MTSS1: variants seen among roughly 807,000 people sequenced by gnomAD.
MTSS1 encodes MTSS I-BAR domain containing 1.
MTSS1 carries 18 observed loss-of-function variants against 79.0 expected under a neutral mutation model. The observed-to-expected ratio is 0.23, with a 90% CI of 0.16 to 0.34. The LOEUF is 0.34. Among genes scored for constraint, MTSS1 ranks in the 10% least tolerant of loss-of-function variants. The probability of loss-of-function intolerance (pLI) is 1.00; values close to 1 mark genes in which losing one functional copy is unlikely to be tolerated. For missense variants in MTSS1, 815 were observed against 986.2 expected, an observed-to-expected ratio of 0.83 and a Z score of 2.33; for synonymous variants, 341 against 368.6, an observed-to-expected ratio of 0.93 and a Z score of 0.86.
chr8:124,551,958 T>C lies in MTSS1; in HGVS notation c.*1034A>G, dbSNP rs1021714078. ...CCCTTGTCAAATCTGTTCGAGTTTT[T>C]TCAAAATACTTGGGCTTTTTAACGC... On this transcript the variant is annotated 3_prime_UTR_variant, in exon 14 of 14. Transcript: ENST00000518547. 3 of 152,682 alleles carry C rather than the reference T, an allele frequency of 2.0e-5. No individual in the cohort carries two copies. Among genetic ancestry groups the C allele is most frequent in the African/African-American group, 7.2e-5 (3 of 41,460 alleles). 9.5% of individuals were successfully genotyped at this position (152,682 alleles called of 1,614,324 possible). A position where few individuals can be genotyped will look rare whatever the true frequency, so the allele number is the denominator to read the frequency against.
Position 124,553,261 on chromosome 8 carries a change from C to T in MTSS1, c.1999G>A (p.Gly667Ser), listed in dbSNP as rs532688949. 5.5e-5 allele frequency: 89 copies of T among 1,614,154 alleles called. No individual in the cohort carries two copies. Among genetic ancestry groups the T allele is most frequent in the Middle Eastern group, 1.6e-4 (1 of 6,062 alleles). Residue 667 changes from glycine to serine, a missense_variant, in exon 14 of 14, where the codon GGC becomes AGC. Gly to Ser is a moderately conservative substitution (Grantham distance 56). This residue lies in a region of MTSS1 where 590 missense variants were observed against 620.8 expected (regional missense o/e 0.95). Coordinates refer to ENST00000518547, the MANE Select transcript of MTSS1 (RefSeq NM_014751.6). This position sits in a 1 kb window ranked among gnomAD's most constrained non-coding sequence, Gnocchi z 6.0. ...AGTGGAGGGTTAACGGAAGCTTGGCCGCTCCACATTGAGGAGGGCATGCTG... is the reference window on the plus strand; with the variant it reads ...AGTGGAGGGTTAACGGAAGCTTGGCTGCTCCACATTGAGGAGGGCATGCTG... ...VTSMPSSMWS[G>S]QASVNPPLPG... is the part of the protein sequence containing the mutation.
At chr8:124,565,790 G>T in intron 8 of MTSS1, 31 bp from the exon 9 acceptor site, 1 of 1,536,682 alleles carries the variant, frequency 6.5e-7, no homozygotes, top group South Asian at 1.1e-5. Flanking sequence ...GGGTGAATGA[G>T]GTGCTGAGAG....
intron 7 of MTSS1, chr8:124,567,928 C>T (rs2132081800): frequency 1.4e-6 from 2 of 1,401,184 alleles, no homozygotes; most frequent in Non-Finnish European, 1.9e-6. Flanking sequence ...CATTGAGGCT[C>T]TTGGATATTC....
intron 3 of MTSS1, among the ~76,000 whole-genome samples, chr8:124,664,057 C>CTTCA (rs1487915635): frequency 6.6e-6 from 1 of 152,200 alleles, no homozygotes; most frequent in Non-Finnish European, 1.5e-5. Context: ...TGAGAAGACA[C>CTTCA]TTCAGCAGGA....
chr8:124,565,779 T>TCA lies in MTSS1; in HGVS notation c.727-21_727-20insTG, dbSNP rs747631606. ...AATCACCTAAGGGGACAGAGCCAGC[T>TCA]GGGTGAATGAGGTGCTGAGAGGGGA... On this transcript the variant is annotated intron_variant, in intron 8 of 13. Coordinates refer to ENST00000518547, the MANE Select transcript of MTSS1 (RefSeq NM_014751.6). 30 of 1,588,618 alleles carry TCA rather than the reference T, an allele frequency of 1.9e-5. No individual in the cohort carries two copies. The South Asian group carries it at 3.0e-4, about 16-fold the overall frequency.
intron 6 of MTSS1, among the ~76,000 whole-genome samples, chr8:124,571,989 T>C (rs1469582166): frequency 6.6e-6 from 1 of 151,972 alleles, no homozygotes; most frequent in Non-Finnish European, 1.5e-5. Context: ...TAAAATAAAA[T>C]TAAAAAATAA....
chr8:124,719,370 C>T (rs888047969), intron 1 of MTSS1, among the ~76,000 whole-genome samples: 1 of 152,186 alleles, frequency 6.6e-6, no homozygotes, highest in African/African-American at 2.4e-5. Context: ...CAGTTCCGAG[C>T]GAGGGTGTCA....
At chr8:124,710,960 A>G (rs1831074871) in intron 1 of MTSS1, among the ~76,000 whole-genome samples, 1 of 152,182 alleles carries the variant, frequency 6.6e-6, no homozygotes. Context: ...TCCAGCTCAA[A>G]GGCCTTTGTT....
At chr8:124,663,108 C>T (rs189818723) in intron 3 of MTSS1, among the ~76,000 whole-genome samples, 1 of 152,246 alleles carries the variant, frequency 6.6e-6, no homozygotes, top group Non-Finnish European at 1.5e-5. Flanking sequence ...GGTTCTGGAG[C>T]CGAAATGGGC....
At chr8:124,638,109 G>A (rs963179096) in intron 3 of MTSS1, among the ~76,000 whole-genome samples, 15 of 152,182 alleles carry the variant, frequency 9.9e-5, no homozygotes, top group Admixed American at 6.5e-5. Flanking sequence ...TGTTATTCCT[G>A]GATCTTTTTA....
chr8:124,553,418 G>A lies in MTSS1; in HGVS notation c.1842C>T (p.Pro614=), dbSNP rs200563029. ...IGAGPIPIKT[P]VIPVKTPTVP... Reference sequence around the variant, plus strand: ...CGGTTGGGGTCTTGACAGGGATCACGGGTGTCTTGATGGGGATGGGACCAG... The same window carrying A: ...CGGTTGGGGTCTTGACAGGGATCACAGGTGTCTTGATGGGGATGGGACCAG... The change falls in exon 14 of 14, where the codon CCC becomes CCT. Residue 614 remains proline (P), a synonymous_variant. Coordinates refer to ENST00000518547, the MANE Select transcript of MTSS1 (RefSeq NM_014751.6). The surrounding 1 kb of genome is among the most constrained non-coding windows in gnomAD (Gnocchi z 6.0). 824 of 1,607,460 alleles carry A rather than the reference G, an allele frequency of 5.1e-4. 6 individuals are homozygous for A. The South Asian group carries it at 8.6e-3, about 17-fold the overall frequency.
intron 3 of MTSS1, among the ~76,000 whole-genome samples, chr8:124,642,749 C>T (rs151319043): frequency 0.016 from 2,505 of 152,172 alleles, 61 homozygotes; most frequent in African/African-American, 0.057. Context: ...CATGCCACCA[C>T]GCCTGGCTAA....
At chr8:124,568,286 A>T in intron 7 of MTSS1, 93 bp downstream of exon 7, 1 of 1,419,774 alleles carries the variant, frequency 7.0e-7, no homozygotes, top group Non-Finnish European at 9.6e-7. Flanking sequence ...CTGACAGTAG[A>T]TTCTCCATGA....
chr8:124,696,616 G>C (rs866194213), intron 3 of MTSS1, among the ~76,000 whole-genome samples: 2 of 152,156 alleles, frequency 1.3e-5, no homozygotes, highest in Non-Finnish European at 2.9e-5. Flanking sequence ...ACTTTGGAAG[G>C]CCGAGGCAGG....
At chr8:124,628,201 T>C (rs1300214418) in intron 3 of MTSS1, among the ~76,000 whole-genome samples, 3 of 152,090 alleles carry the variant, frequency 2.0e-5, no homozygotes, top group Admixed American at 6.6e-5. Flanking sequence ...CTAGCAGTGA[T>C]GAAAAGTACA....
At position 124,702,174 on chromosome 8, in the gene MTSS1, G is replaced by A. The variant is rs372504981; in HGVS notation, c.134+1956C>T. 7.9e-4 allele frequency among the ~76,000 whole-genome samples: 120 copies of A among 152,266 alleles called. 4 individuals carry two copies. In the South Asian group the frequency reaches 0.023, roughly 30 times the overall value. ...GGTCTACTCTGAAAGACTGCCAGAC[G>A]GTTAAATGAGGCTGAATCTTAAAAA... On this transcript the variant is annotated intron_variant, in intron 2 of 13. Coordinates refer to ENST00000518547, the MANE Select transcript of MTSS1 (RefSeq NM_014751.6).
chr8:124,644,181 A>C (rs1263384493), intron 3 of MTSS1, among the ~76,000 whole-genome samples: 1 of 152,122 alleles, frequency 6.6e-6, no homozygotes, highest in Non-Finnish European at 1.5e-5. Context: ...GTGCCAAAAG[A>C]AAAAAAAGAA....
At chr8:124,673,804 C>T (rs1288079387) in intron 3 of MTSS1, among the ~76,000 whole-genome samples, 3 of 152,174 alleles carry the variant, frequency 2.0e-5, no homozygotes, top group South Asian at 2.1e-4. Flanking sequence ...ATTTCACCAA[C>T]GTGCCCATAT....
intron 4 of MTSS1, among the ~76,000 whole-genome samples, chr8:124,590,507 A>G (rs1160641905): frequency 4.6e-5 from 7 of 152,228 alleles, no homozygotes; most frequent in South Asian, 4.1e-4. Flanking sequence ...CTCGAGCTGC[A>G]CTGCCAGCCT....
Sources: gnomAD v4.1 joint callset for allele counts (sites outside exome capture counted in the v4.1 genomes callset) on GRCh38, gnomAD v4.1.1 for gene constraint, gnomAD v4.1.1 regional missense constraint, Gnocchi (gnomAD v3.1) non-coding constraint, MANE v1.5 for transcripts, NCBI Gene and HGNC (gene_info 2026-07-23, HGNC 2026-07-21) for gene names.